Variants in ATP11C observed in about 807,000 individuals in gnomAD.
ATP11C encodes the protein phospholipid-transporting ATPase IG.
ATP11C carries 36 observed loss-of-function variants against 97.4 expected under a neutral mutation model. The ratio of observed to expected loss-of-function variants is 0.37; its 90% CI spans 0.28 to 0.49. ATP11C has a LOEUF of 0.49. ATP11C is among the 20% of genes least tolerant of loss of function. The pLI is 0.98. For missense variants in ATP11C, 730 were observed against 824.6 expected (o/e 0.89, Z 1.40); for synonymous variants, 275 against 290.9 (o/e 0.95, Z 0.56).
chrX:139,931,664 A>C (rs781160951), intron 1 of ATP11C, among the ~76,000 whole-genome samples: 1 of 111,936 alleles, frequency 8.9e-6, no homozygotes, highest in Non-Finnish European at 1.9e-5. Context: ...CCCTGAGAAT[A>C]AAACGCCATC....
Position 139,917,955 on chromosome X carries a change from C to CAA in ATP11C, c.27+14059_27+14060dup, listed in dbSNP as rs774133039. 6.2e-3 allele frequency among the ~76,000 whole-genome samples: 238 copies of CAA among 38,404 alleles called. 6 individuals are homozygous for CAA. The highest frequency in any genetic ancestry group is 0.022 in the African/African-American group (227 of 10,386). The allele number at this position is 38,404 out of a possible 115,157, so 33.3% of individuals were successfully genotyped here. On this transcript the variant is annotated intron_variant, in intron 1 of 29. Coordinates refer to ENST00000682941, the MANE Select transcript of ATP11C (RefSeq NM_001353812.2). ...TGGGCAGCAGAGCCAGGCTTTGTCTCAAAAAAAAAAAAAAAAAAAAAAAAA... is the reference window on the plus strand; with the variant it reads ...TGGGCAGCAGAGCCAGGCTTTGTCTCAAAAAAAAAAAAAAAAAAAAAAAAAAA...
intron 12 of ATP11C, among the ~76,000 whole-genome samples, chrX:139,793,548 C>T (rs2082735638): frequency 9.0e-6 from 1 of 111,026 alleles, no homozygotes; most frequent in African/African-American, 3.3e-5. Context: ...CAAAAATTAC[C>T]AATGGTTCAA....
chrX:139,750,111 G>T lies in ATP11C; in HGVS notation c.2742C>A (p.Cys914Ter). 1 of 1,204,872 alleles carries T rather than the reference G, an allele frequency of 8.3e-7. No individual in the cohort carries two copies. The highest frequency in any genetic ancestry group is 1.1e-6 in the Non-Finnish European group (1 of 890,497). The change falls in exon 24 of 30, where the codon TGC becomes TGA. Residue 914 changes from cysteine (C) to a stop codon, truncating the protein, a stop_gained. Coordinates refer to ENST00000682941, the MANE Select transcript of ATP11C (RefSeq NM_001353812.2). LOFTEE classifies it high-confidence loss of function. ...DAAYLTMYNI[C>*]FTSLPILAYS... is the part of the protein sequence containing the mutation. ...AGGCCAGGATGGGCAAGGATGTGAA[G>T]CAGATATTGTACATTGTAAGGTAAG...
Position 139,862,470 on chromosome X carries a change from G to A in ATP11C, c.28-35647C>T, listed in dbSNP as rs376909549. Among the ~76,000 whole-genome samples, 5 of 111,521 alleles carry A rather than the reference G, an allele frequency of 4.5e-5. No individual in the cohort carries two copies. The East Asian group carries it at 1.1e-3, about 25-fold the overall frequency. On this transcript the variant is annotated intron_variant, in intron 1 of 29. Coordinates refer to ENST00000682941, the MANE Select transcript of ATP11C (RefSeq NM_001353812.2). ...ATCTGATGCTATCTCCAGAAAGATG[G>A]TGTCAAAATTGAATTAGAGGACACA...
At chrX:139,782,419 T>C in intron 18 of ATP11C, 128 bp downstream of exon 18, 2 of 400,023 alleles carry the variant, frequency 5.0e-6, no homozygotes, top group East Asian at 8.6e-5. Flanking sequence ...CTATAATAAA[T>C]AAATCTTTAA....
intron 5 of ATP11C, among the ~76,000 whole-genome samples, chrX:139,811,677 T>C (rs1008434937): frequency 9.1e-6 from 1 of 110,365 alleles, no homozygotes; most frequent in East Asian, 2.9e-4. Flanking sequence ...TCTAAACAGG[T>C]AGTAAAGAGT....
At chrX:139,920,994 G>A (rs2085250521) in intron 1 of ATP11C, among the ~76,000 whole-genome samples, 1 of 112,022 alleles carries the variant, frequency 8.9e-6, no homozygotes. Flanking sequence ...CAAATGTGAT[G>A]AAGGGAAAGG....
chrX:139,921,413 G>A (rs1021698914), intron 1 of ATP11C, among the ~76,000 whole-genome samples: 5 of 111,209 alleles, frequency 4.5e-5, no homozygotes, highest in Middle Eastern at 4.7e-3. Flanking sequence ...ACCTTGTGAG[G>A]GTGTCTTGCG....
At chrX:139,809,597 T>C (rs1419547014) in intron 5 of ATP11C, among the ~76,000 whole-genome samples, 1 of 112,198 alleles carries the variant, frequency 8.9e-6, no homozygotes, top group Non-Finnish European at 1.9e-5. Context: ...AAATGGATAG[T>C]GGTGATGGTT....
chrX:139,930,149 G>A (rs940751611), intron 1 of ATP11C, among the ~76,000 whole-genome samples: 1 of 111,293 alleles, frequency 9.0e-6, no homozygotes, highest in Non-Finnish European at 1.9e-5. Flanking sequence ...GTGATTCTCT[G>A]CTGAGATCTT....
intron 1 of ATP11C, among the ~76,000 whole-genome samples, chrX:139,909,128 T>A (rs758477716): frequency 9.0e-6 from 1 of 111,212 alleles, no homozygotes; most frequent in East Asian, 2.8e-4. Flanking sequence ...GGGTTTTTTT[T>A]ATTTTGTTTT....
At chrX:139,765,770 G>A (rs754152776) in intron 20 of ATP11C, among the ~76,000 whole-genome samples, 11 of 111,949 alleles carry the variant, frequency 9.8e-5, no homozygotes, top group Admixed American at 8.5e-4. Context: ...AGGAAGAACC[G>A]GAGGAAAGCA....
At chrX:139,825,203 G>A (rs1337054883) in intron 2 of ATP11C, among the ~76,000 whole-genome samples, 6 of 111,470 alleles carry the variant, frequency 5.4e-5, no homozygotes, top group Non-Finnish European at 1.1e-4. Context: ...GAAAAAAAAT[G>A]AGGAAGGAAC....
chrX:139,900,128 T>C (rs949861193), intron 1 of ATP11C, among the ~76,000 whole-genome samples: 2 of 111,359 alleles, frequency 1.8e-5, no homozygotes, highest in African/African-American at 6.5e-5. Flanking sequence ...CCCAGCACTT[T>C]GGGAGGCCAA....
intron 23 of ATP11C, 39 bp from the exon 24 acceptor site, chrX:139,750,191 T>C (rs768467182): frequency 2.3e-5 from 26 of 1,135,957 alleles, no homozygotes; most frequent in African/African-American, 3.6e-5. Context: ...AGAAATTTCA[T>C]GTAACAATCA....
intron 1 of ATP11C, among the ~76,000 whole-genome samples, chrX:139,838,411 GA>G (rs1428308781): frequency 2.4e-4 from 25 of 103,490 alleles, no homozygotes; most frequent in East Asian, 6.0e-4. Flanking sequence ...CAGCCTGTAA[GA>G]AAAAAAAAAA....
At chrX:139,801,993 G>GC (rs1488748066) in intron 7 of ATP11C, among the ~76,000 whole-genome samples, 6 of 111,470 alleles carry the variant, frequency 5.4e-5, no homozygotes, top group Non-Finnish European at 3.8e-5. Context: ...TTGATATATG[G>GC]CCATGTTTAC....
chrX:139,742,275 A>C (rs2081572534), intron 26 of ATP11C, among the ~76,000 whole-genome samples: 1 of 111,790 alleles, frequency 8.9e-6, no homozygotes, highest in South Asian at 3.7e-4. Flanking sequence ...AGTCCTCAAA[A>C]AGGGTAGGTG....
At chrX:139,935,579 C>G (rs1046071841), upstream of ATP11C, among the ~76,000 whole-genome samples, 6 of 110,313 alleles carry the variant, frequency 5.4e-5, no homozygotes, top group Non-Finnish European at 1.1e-4. Flanking sequence ...CCCCACCCCC[C>G]AAAAAAGATA....
Sources: allele counts gnomAD v4.1 joint callset (sites outside exome capture counted in the v4.1 genomes callset), GRCh38; gene constraint gnomAD v4.1.1; transcripts MANE v1.5; gene names NCBI Gene and HGNC (gene_info 2026-07-23, HGNC 2026-07-21).